The following IQSEC1 variants were observed in gnomAD, a reference collection of about 807,000 sequenced individuals.
IQSEC1 encodes the protein IQ motif and Sec7 domain ArfGEF 1.
In IQSEC1, 31 loss-of-function variants were observed where a neutral mutation model predicts 91.0. That is an observed-to-expected ratio of 0.34 (90% CI 0.26 to 0.46). The LOEUF (loss-of-function observed/expected upper bound fraction) is 0.46, where lower values mean the gene tolerates loss of function less well. Among genes scored for constraint, IQSEC1 ranks in the 20% least tolerant of loss-of-function variants. IQSEC1 has a pLI of 1.00. For missense variants in IQSEC1, 1,388 were observed against 1,575.6 expected, an observed-to-expected ratio of 0.88 and a Z score of 2.02; for synonymous variants, 699 against 662.6, an observed-to-expected ratio of 1.05 and a Z score of -0.84.
At chr3:13,198,665 G>A (rs984777726) in intron 1 of IQSEC1, among the ~76,000 whole-genome samples, 4 of 152,182 alleles carry the variant, frequency 2.6e-5, no homozygotes, top group East Asian at 1.9e-4. Context: ...CTCTCATGCC[G>A]GCTGGCTGCG....
At chr3:13,152,580 C>A (rs1707017009) in intron 2 of IQSEC1, among the ~76,000 whole-genome samples, 1 of 152,160 alleles carries the variant, frequency 6.6e-6, no homozygotes, top group South Asian at 2.1e-4. Context: ...CAAATTTGTT[C>A]TTGGTTCCAG....
rs768036999 is a variant in IQSEC1 at position 12,924,583 on chromosome 3, G to C, written c.1728C>G (p.Leu576=). The change falls in exon 4 of 14, where the codon CTC becomes CTG. Residue 576 remains leucine, a splice_region_variant and synonymous_variant. Transcript: ENST00000613206. This position sits in a 1 kb window ranked among gnomAD's most constrained non-coding sequence, Gnocchi z 6.3. ...NRQKQFNRDV[L]DCVVDEMDFS... is the part of the protein sequence containing the mutation. ...CACCACCCCCATGCAGAACTTACTC[G>C]AGCACGTCACGGTTGAACTGCTTCT... is the stretch of plus-strand genomic sequence containing the variant. The C allele has an allele frequency of 2.3e-5, 36 of 1,593,072 alleles. No individual in the cohort carries two copies. The highest frequency in any genetic ancestry group is 2.9e-5 in the Non-Finnish European group (34 of 1,166,890).
chr3:13,237,802 G>A (rs1030921236), intron 1 of IQSEC1, among the ~76,000 whole-genome samples: 3 of 152,222 alleles, frequency 2.0e-5, no homozygotes, highest in African/African-American at 7.2e-5. Flanking sequence ...TGCGAGCTCT[G>A]GCATGAAGCA....
chr3:13,066,630 C>A (rs1462424854), intron 1 of IQSEC1, among the ~76,000 whole-genome samples: 1 of 152,222 alleles, frequency 6.6e-6, no homozygotes, highest in East Asian at 1.9e-4. Flanking sequence ...CCAGGAGGAC[C>A]AGGAGAGAGG....
intron 1 of IQSEC1, among the ~76,000 whole-genome samples, chr3:13,066,364 G>A (rs1290841024): frequency 3.9e-5 from 6 of 152,354 alleles, no homozygotes; most frequent in South Asian, 2.1e-4. Flanking sequence ...CAGGACTTCC[G>A]GGCAGCTGGT....
At chr3:13,058,747 G>C (rs543045806) in intron 1 of IQSEC1, among the ~76,000 whole-genome samples, 1 of 152,336 alleles carries the variant, frequency 6.6e-6, no homozygotes, top group South Asian at 2.1e-4. Context: ...TGGAAAGCTC[G>C]GTCTGAGTGT....
chr3:12,986,362 C>T (rs538447974), intron 1 of IQSEC1, among the ~76,000 whole-genome samples: 3 of 152,278 alleles, frequency 2.0e-5, no homozygotes, highest in East Asian at 1.9e-4. Context: ...GAGAGTTCCC[C>T]GGGGGCCAGG....
At chr3:13,180,910 C>T (rs904096701) in intron 1 of IQSEC1, among the ~76,000 whole-genome samples, 3 of 152,174 alleles carry the variant, frequency 2.0e-5, no homozygotes, top group African/African-American at 7.2e-5. Context: ...GTAACACTCA[C>T]CACGAGGGTC....
In IQSEC1 at chr3:12,897,375, G is replaced by A. The variant is rs1693749738; in HGVS notation, c.*3608C>T. The A allele has an allele frequency of 6.6e-6, 1 of 152,360 alleles. No homozygotes were observed. Among genetic ancestry groups the A allele is most frequent in the South Asian group, 2.1e-4 (1 of 4,828 alleles). 9.4% of individuals were successfully genotyped at this position (152,360 alleles called of 1,614,324 possible). A position where few individuals can be genotyped will look rare whatever the true frequency, so the allele number is the denominator to read the frequency against. On this transcript the variant is annotated 3_prime_UTR_variant, in exon 14 of 14. Coordinates refer to ENST00000613206, the MANE Select transcript of IQSEC1 (RefSeq NM_001134382.3). ...AGTGGGGGTGCCAGGCTTCTTGTGA[G>A]GGAGGTGTCCCTTGAAGTCTCTGAA...
At chr3:13,279,088 C>T (rs1278595080) in intron 1 of IQSEC1, among the ~76,000 whole-genome samples, 1 of 152,294 alleles carries the variant, frequency 6.6e-6, no homozygotes, top group African/African-American at 2.4e-5. Flanking sequence ...CCATCGGCCC[C>T]ACCCCTGCTC....
At chr3:12,913,343 ATCT>A in intron 9 of IQSEC1, 82 bp downstream of exon 9, 1 of 1,433,068 alleles carries the variant, frequency 7.0e-7, no homozygotes, top group Non-Finnish European at 9.4e-7. Context: ...ATGCATGCAC[ATCT>A]TCCCCACGCA....
At position 12,909,867 on chromosome 3, in the gene IQSEC1, T is replaced by C. The variant is rs1695398587; in HGVS notation, c.2417-433A>G. ...GAACCCTGTGCCCAGACCTGCCTGGTGCCACCTCCGGGCTCTCAGGGTCCC... is the reference window on the plus strand; with the variant it reads ...GAACCCTGTGCCCAGACCTGCCTGGCGCCACCTCCGGGCTCTCAGGGTCCC... On this transcript the variant is annotated intron_variant, in intron 10 of 13. Transcript: ENST00000613206. The surrounding 1 kb of genome is among the most constrained non-coding windows in gnomAD (Gnocchi z 4.9). Among the ~76,000 whole-genome samples the C allele has an allele frequency of 6.6e-6, 1 of 152,198 alleles. No homozygotes were observed. The highest frequency in any genetic ancestry group is 2.4e-5 in the African/African-American group (1 of 41,456).
At chr3:13,217,154 T>C (rs1694565589) in intron 1 of IQSEC1, among the ~76,000 whole-genome samples, 1 of 152,244 alleles carries the variant, frequency 6.6e-6, no homozygotes, top group Admixed American at 6.5e-5. Flanking sequence ...TTGTTTTGTT[T>C]TACAATTCAA....
intron 1 of IQSEC1, among the ~76,000 whole-genome samples, chr3:13,011,870 A>G (rs767501811): frequency 9.2e-5 from 14 of 152,220 alleles, no homozygotes; most frequent in South Asian, 6.2e-4. Context: ...GTAACATCCC[A>G]GCAGCCTCTT....
chr3:13,098,984 C>T (rs1706012130), intron 2 of IQSEC1, among the ~76,000 whole-genome samples: 1 of 152,220 alleles, frequency 6.6e-6, no homozygotes, highest in Admixed American at 6.5e-5. Flanking sequence ...ATAACTTTGT[C>T]ATATGTCAGG....
In IQSEC1 at chr3:12,979,800, A is replaced by C. The variant is rs1451474711; in HGVS notation, c.24-37935T>G. Among the ~76,000 whole-genome samples the C allele has an allele frequency of 6.6e-6, 1 of 152,206 alleles. No homozygotes were observed. The highest frequency in any genetic ancestry group is 1.5e-5 in the Non-Finnish European group (1 of 68,032). ...CCAGGTGGTATGCTCCATGTCACCA[A>C]GAGCTGAGCCTGTGCCTCACCCGGA... On this transcript the variant is annotated intron_variant, in intron 1 of 13. Coordinates refer to ENST00000613206, the MANE Select transcript of IQSEC1 (RefSeq NM_001134382.3). The surrounding 1 kb of genome is among the most constrained non-coding windows in gnomAD (Gnocchi z 4.3).
intron 2 of IQSEC1, among the ~76,000 whole-genome samples, chr3:13,142,450 A>T (rs1014638255): frequency 4.6e-5 from 7 of 152,172 alleles, no homozygotes; most frequent in African/African-American, 1.7e-4. Context: ...TTCCCCAAGG[A>T]TGTTGGATCC....
intron 1 of IQSEC1, among the ~76,000 whole-genome samples, chr3:13,045,810 G>A (rs543259055): frequency 2.0e-5 from 3 of 152,326 alleles, no homozygotes; most frequent in Admixed American, 2.0e-4. Flanking sequence ...CCTTCCCTGG[G>A]GCCACCCTGA....
rs1240579622 is a variant in IQSEC1 at position 12,967,479 on chromosome 3, C to A, written c.24-25614G>T. On this transcript the variant is annotated intron_variant, in intron 1 of 13. Transcript: ENST00000613206. This position sits in a 1 kb window ranked among gnomAD's most constrained non-coding sequence, Gnocchi z 5.9. The stretch of plus-strand genomic sequence containing the variant: ...CGGCCGCAGTGGGAGCGGGCCGGGC[C>A]GGGAGCCGGGACCCAGGCCCAGCAG... 3 of 1,500,050 alleles carry A rather than the reference C, an allele frequency of 2.0e-6. No individual in the cohort carries two copies. In the South Asian group the frequency reaches 3.7e-5, roughly 19 times the overall value. 92.9% of individuals were successfully genotyped at this position (1,500,050 alleles called of 1,614,324 possible). A position where few individuals can be genotyped will look rare whatever the true frequency, so the allele number is the denominator to read the frequency against.
Sources: gnomAD v4.1 joint callset for allele counts (sites outside exome capture counted in the v4.1 genomes callset) on GRCh38, gnomAD v4.1.1 for gene constraint, Gnocchi (gnomAD v3.1) non-coding constraint, MANE v1.5 for transcripts, NCBI Gene and HGNC (gene_info 2026-07-23, HGNC 2026-07-21) for gene names.